SMYD3: variants seen among roughly 807,000 people sequenced by gnomAD.
SMYD3 encodes the protein histone-lysine N-methyltransferase SMYD3.
In SMYD3, 36 loss-of-function variants were observed where a neutral mutation model predicts 57.7. The ratio of observed to expected loss-of-function variants is 0.62; its 90% CI spans 0.48 to 0.82. SMYD3 has a LOEUF of 0.82. SMYD3 is among the 40% of genes least tolerant of loss of function. The pLI, the probability that SMYD3 is intolerant of heterozygous loss-of-function variation, is 0.00. For synonymous variants in SMYD3, 211 were observed against 195.0 expected, an observed-to-expected ratio of 1.08 and a Z score of -0.68; for missense variants, 515 against 538.8, an observed-to-expected ratio of 0.96 and a Z score of 0.44.
intron 5 of SMYD3, among the ~76,000 whole-genome samples, chr1:246,254,772 T>G (rs1045351486): frequency 3.9e-5 from 6 of 152,222 alleles, no homozygotes; most frequent in Non-Finnish European, 8.8e-5. Context: ...GAGCATGGAA[T>G]GTCTTTCCAC....
At chr1:246,390,020 C>T (rs1355847252) in intron 1 of SMYD3, among the ~76,000 whole-genome samples, 2 of 151,880 alleles carry the variant, frequency 1.3e-5, no homozygotes. Context: ...GGCAAAACTC[C>T]AGGTCTTTAT....
chr1:246,399,909 C>T (rs564841562), intron 1 of SMYD3, among the ~76,000 whole-genome samples: 16 of 152,246 alleles, frequency 1.1e-4, no homozygotes, highest in Middle Eastern at 6.8e-3. Context: ...CAGCAAATTA[C>T]AATTATGAAT....
At chr1:246,111,734 A>G (rs12097326) in intron 5 of SMYD3, among the ~76,000 whole-genome samples, 66 of 152,360 alleles carry the variant, frequency 4.3e-4, no homozygotes, top group African/African-American at 1.5e-3. Context: ...ATGTAATACC[A>G]TAATGACAGC....
chr1:246,440,509 A>G (rs1482831610), intron 1 of SMYD3, among the ~76,000 whole-genome samples: 1 of 152,224 alleles, frequency 6.6e-6, no homozygotes, highest in East Asian at 1.9e-4. Flanking sequence ...TCATGACAGT[A>G]TATTTTTTTA....
intron 1 of SMYD3, among the ~76,000 whole-genome samples, chr1:246,451,943 T>C (rs1177480719): frequency 6.6e-6 from 1 of 152,152 alleles, no homozygotes; most frequent in Non-Finnish European, 1.5e-5. Flanking sequence ...TTTCCTCACC[T>C]CCGTAGCACA....
intron 5 of SMYD3, among the ~76,000 whole-genome samples, chr1:246,046,591 TTG>T (rs1314854639): frequency 4.0e-5 from 6 of 150,804 alleles, no homozygotes; most frequent in African/African-American, 1.2e-4. Context: ...AACCTGCACG[TTG>T]TGTGCAGGTA....
chr1:245,849,424 TG>T (rs2050837671), intron 10 of SMYD3, among the ~76,000 whole-genome samples: 1 of 152,024 alleles, frequency 6.6e-6, no homozygotes, highest in Non-Finnish European at 1.5e-5. Context: ...TGAGGGGGTT[TG>T]GGGGGCAGAT....
At chr1:246,186,207 G>A (rs1224753673) in intron 5 of SMYD3, among the ~76,000 whole-genome samples, 1 of 152,168 alleles carries the variant, frequency 6.6e-6, no homozygotes, top group Non-Finnish European at 1.5e-5. Context: ...ACTAGAAAAT[G>A]AGTAAGATGC....
At chr1:246,436,898 T>G (rs931987715) in intron 1 of SMYD3, among the ~76,000 whole-genome samples, 9 of 117,618 alleles carry the variant, frequency 7.7e-5, no homozygotes, top group Non-Finnish European at 1.2e-4. Context: ...CAGAGTTTCT[T>G]TCTTTTTTTT....
chr1:246,344,163 A>G (rs2065674729), intron 2 of SMYD3, among the ~76,000 whole-genome samples: 1 of 152,070 alleles, frequency 6.6e-6, no homozygotes, highest in Non-Finnish European at 1.5e-5. Flanking sequence ...GATTACATGC[A>G]CGTGCCACCA....
At chr1:246,006,788 T>C (rs2059179361) in intron 5 of SMYD3, among the ~76,000 whole-genome samples, 1 of 152,068 alleles carries the variant, frequency 6.6e-6, no homozygotes, top group African/African-American at 2.4e-5. Flanking sequence ...CACAGCTATA[T>C]TAACTGTGCT....
chr1:245,786,215 G>GGGT (rs200243701), intron 10 of SMYD3, among the ~76,000 whole-genome samples: 4,625 of 147,160 alleles, frequency 0.031, 262 homozygotes, highest in Middle Eastern at 0.052. Flanking sequence ...GGTGTGGACG[G>GGGT]GGGGGGGATG....
chr1:246,362,659 C>T (rs867196098), intron 1 of SMYD3, among the ~76,000 whole-genome samples: 3 of 152,252 alleles, frequency 2.0e-5, no homozygotes, highest in Non-Finnish European at 1.5e-5. Context: ...GACGGGGTTT[C>T]GCTGTGTTGG....
intron 5 of SMYD3, among the ~76,000 whole-genome samples, chr1:246,106,780 T>C (rs556370726): frequency 9.9e-4 from 151 of 152,234 alleles, no homozygotes; most frequent in Non-Finnish European, 1.7e-3. Context: ...TGTGGAGCCA[T>C]GGGGACAATG....
chr1:245,909,432 A>G (rs2148637817), intron 8 of SMYD3, among the ~76,000 whole-genome samples: 1 of 152,262 alleles, frequency 6.6e-6, no homozygotes, highest in South Asian at 2.1e-4. Flanking sequence ...TAGGAGGAGG[A>G]AATACTTCCA....
At chr1:246,378,047 T>C (rs1168871972) in intron 1 of SMYD3, among the ~76,000 whole-genome samples, 1 of 152,236 alleles carries the variant, frequency 6.6e-6, no homozygotes, top group African/African-American at 2.4e-5. Flanking sequence ...CCATGCATAA[T>C]TTCCCTTTTA....
At chr1:246,481,329 TTGAATTGG>T (rs2068096926) in intron 1 of SMYD3, among the ~76,000 whole-genome samples, 1 of 151,722 alleles carries the variant, frequency 6.6e-6, no homozygotes, top group Non-Finnish European at 1.5e-5. Flanking sequence ...AAAATAGCAT[TTGAATTGG>T]TGAACTGAGG....
intron 2 of SMYD3, among the ~76,000 whole-genome samples, chr1:246,346,088 T>C (rs536446959): frequency 2.0e-4 from 30 of 152,188 alleles, no homozygotes; most frequent in Middle Eastern, 6.8e-3. Flanking sequence ...ATCGAGACCA[T>C]CCTGGCTAAC....
At chr1:245,979,790 C>A (rs1185952681) in intron 5 of SMYD3, among the ~76,000 whole-genome samples, 1 of 152,180 alleles carries the variant, frequency 6.6e-6, no homozygotes, top group Non-Finnish European at 1.5e-5. Context: ...CCAAACCCAG[C>A]CCCGGCAGCT....
Sources: allele counts gnomAD v4.1 joint callset (sites outside exome capture counted in the v4.1 genomes callset), GRCh38; gene constraint gnomAD v4.1.1; transcripts MANE v1.5; gene names NCBI Gene and HGNC (gene_info 2026-07-23, HGNC 2026-07-21).